Variants in VRK3 observed in about 807,000 individuals in gnomAD.
The protein encoded by VRK3 is serine/threonine-protein kinase VRK3.
In VRK3, 50 loss-of-function variants were observed where a neutral mutation model predicts 60.4. That is an observed-to-expected ratio of 0.83 (90% CI 0.66 to 1.05). The LOEUF (loss-of-function observed/expected upper bound fraction) is 1.05. VRK3 is among the 50% of genes least tolerant of loss of function. The pLI is 0.00. For missense variants in VRK3, 549 were observed against 585.3 expected (o/e 0.94, Z 0.64); for synonymous variants, 246 against 227.8 (o/e 1.08, Z -0.72).
rs371231780 is a variant in VRK3, at chr19:49,980,950, C to G, written c.1276+5G>C. The G allele has an allele frequency of 6.2e-7, 1 of 1,608,530 alleles. No individual in the cohort carries two copies. Among genetic ancestry groups the G allele is most frequent in the Non-Finnish European group, 8.5e-7 (1 of 1,177,438 alleles). On this transcript the variant is annotated splice_donor_5th_base_variant and intron_variant, in intron 13 of 14. Transcript: ENST00000316763. ...CCGCCTGTTCCCGCTCCCTTCAGGA[C>G]GTACCTGAGGGCCTGATCCAGTGAC...
At chr19:49,994,695 C>T (rs2076669968) in intron 9 of VRK3, 119 bp downstream of exon 9, 12 of 905,930 alleles carry the variant, frequency 1.3e-5, no homozygotes, top group South Asian at 8.1e-5. Context: ...AGTGAGCCAG[C>T]CCCCAGTGTG....
chr19:50,010,578 T>C (rs1270664975), intron 3 of VRK3, among the ~76,000 whole-genome samples: 1 of 152,236 alleles, frequency 6.6e-6, no homozygotes, highest in Non-Finnish European at 1.5e-5. Flanking sequence ...CAGTGTGAAT[T>C]CTGGCCCCAA....
chr19:49,988,550 G>C, intron 11 of VRK3, 58 bp from the exon 12 acceptor site: 4 of 1,585,438 alleles, frequency 2.5e-6, no homozygotes, highest in Non-Finnish European at 3.4e-6. Flanking sequence ...TCACTGGTGG[G>C]TCCACCCCCC....
At chr19:49,985,455 T>C (rs1169892070) in intron 12 of VRK3, among the ~76,000 whole-genome samples, 1 of 152,318 alleles carries the variant, frequency 6.6e-6, no homozygotes, top group East Asian at 1.9e-4. Flanking sequence ...CATCAAACTG[T>C]GTCATCCTTC....
At chr19:50,020,157 CA>C (rs898860253) in intron 2 of VRK3, among the ~76,000 whole-genome samples, 18 of 152,058 alleles carry the variant, frequency 1.2e-4, no homozygotes, top group Admixed American at 1.1e-3. Context: ...TCTCCTGCCT[CA>C]GCATCCTGAG....
chr19:49,997,602 C>G, intron 6 of VRK3, 32 bp from the exon 7 acceptor site: 2 of 1,612,346 alleles, frequency 1.2e-6, no homozygotes, highest in Non-Finnish European at 8.5e-7. Context: ...AGAAGGCTGT[C>G]ACACTGAAGT....
intron 3 of VRK3, among the ~76,000 whole-genome samples, chr19:50,010,494 A>C (rs1329876541): frequency 1.3e-5 from 2 of 152,232 alleles, no homozygotes; most frequent in Admixed American, 1.3e-4. Flanking sequence ...TGTTTATATC[A>C]GGCAGGGAGT....
At chr19:50,014,528 G>A (rs10421202) in intron 3 of VRK3, among the ~76,000 whole-genome samples, 7,987 of 151,412 alleles carry the variant, frequency 0.053, 695 homozygotes, top group African/African-American at 0.18. Context: ...AGTGAGCCAA[G>A]ATTGCGCCAC....
intron 10 of VRK3, among the ~76,000 whole-genome samples, chr19:49,990,212 G>A (rs978822159): frequency 2.6e-5 from 4 of 151,940 alleles, no homozygotes; most frequent in Admixed American, 1.3e-4. Flanking sequence ...CGCTGGTGGC[G>A]GTACAACCTT....
intron 3 of VRK3, among the ~76,000 whole-genome samples, chr19:50,015,264 T>C (rs1012998074): frequency 2.0e-5 from 3 of 151,796 alleles, no homozygotes; most frequent in Non-Finnish European, 4.4e-5. Context: ...AAACTTTGAG[T>C]GTCAACAGGA....
rs576769831 is a variant in VRK3, at chr19:49,979,891, A to T, written c.1277-649T>A. On this transcript the variant is annotated intron_variant, in intron 13 of 14. Transcript: ENST00000316763. ...ACCCCATCTCTACTAAAAAAAAAAA[A>T]TACAAAAAATTAGCCACACATGGTG... Among the ~76,000 whole-genome samples the T allele has an allele frequency of 2.3e-4, 35 of 151,404 alleles. 1 individual carries two copies. In the East Asian group the frequency reaches 6.6e-3, roughly 29 times the overall value.
chr19:50,011,548 T>C (rs2076994174), intron 3 of VRK3, among the ~76,000 whole-genome samples: 1 of 152,156 alleles, frequency 6.6e-6, no homozygotes, highest in Non-Finnish European at 1.5e-5. Context: ...TGTTGCCTAC[T>C]TGGTAGAAGC....
intron 3 of VRK3, among the ~76,000 whole-genome samples, chr19:50,012,492 A>G (rs542858773): frequency 6.6e-6 from 1 of 152,320 alleles, no homozygotes; most frequent in South Asian, 2.1e-4. Context: ...CGGGACAAAT[A>G]CAGCACCTCA....
At chr19:49,992,988 G>C (rs376814109) in intron 9 of VRK3, 36 bp from the exon 10 acceptor site, 23 of 1,584,576 alleles carry the variant, frequency 1.5e-5, no homozygotes, top group Non-Finnish European at 2.0e-5. Context: ...TGCATGAGCA[G>C]TACGACTAAC....
At chr19:50,016,802 G>A (rs1331232931) in intron 2 of VRK3, among the ~76,000 whole-genome samples, 2 of 152,230 alleles carry the variant, frequency 1.3e-5, no homozygotes, top group Non-Finnish European at 2.9e-5. Flanking sequence ...TTTTAAGCCA[G>A]TTAAGTGAAG....
At chr19:49,979,325 G>T in intron 13 of VRK3, 83 bp from the exon 14 acceptor site, 1 of 1,596,026 alleles carries the variant, frequency 6.3e-7, no homozygotes. Context: ...CCCAAGGATG[G>T]AGGGGTGGGG....
chr19:49,997,167 T>C (rs2122196422), intron 7 of VRK3: 1 of 174,556 alleles, frequency 5.7e-6, no homozygotes, highest in South Asian at 1.6e-4. Context: ...GTATTTTCAG[T>C]AGAGATAAGG....
At chr19:49,981,059 A>T (rs1483223661) in intron 12 of VRK3, 46 bp from the exon 13 acceptor site, 1 of 1,573,724 alleles carries the variant, frequency 6.4e-7, no homozygotes, top group Non-Finnish European at 8.7e-7. Flanking sequence ...GGGAAAGGAG[A>T]GCAACCTTTT....
intron 3 of VRK3, among the ~76,000 whole-genome samples, chr19:50,009,691 T>C (rs2076962191): frequency 6.6e-6 from 1 of 152,154 alleles, no homozygotes; most frequent in African/African-American, 2.4e-5. Flanking sequence ...TGGAGTGCAG[T>C]GGTGCAATCT....
Sources: allele counts gnomAD v4.1 joint callset (sites outside exome capture counted in the v4.1 genomes callset), GRCh38; gene constraint gnomAD v4.1.1; transcripts MANE v1.5; gene names NCBI Gene and HGNC (gene_info 2026-07-23, HGNC 2026-07-21).